The following LAMA1 variants were observed in gnomAD, a reference collection of about 807,000 sequenced individuals.
The protein encoded by LAMA1 is laminin subunit alpha 1, also known as laminin subunit alpha-1.
A neutral mutation model predicts 348.7 loss-of-function variants in LAMA1; 219 were observed. That is an observed-to-expected ratio of 0.63 (90% CI 0.56 to 0.70). LAMA1 has a LOEUF of 0.70. Ranked by LOEUF, LAMA1 falls within the 30% of genes least tolerant of loss-of-function variation. The pLI, the probability that LAMA1 is intolerant of heterozygous loss-of-function variation, is 0.00. For synonymous variants in LAMA1, 1,487 were observed against 1,491.0 expected (o/e 1.00, Z 0.06); for missense variants, 3,744 against 3,888.0 (o/e 0.96, Z 0.99).
At chr18:6,958,197 A>C (rs2057589334) in intron 55 of LAMA1, among the ~76,000 whole-genome samples, 1 of 152,180 alleles carries the variant, frequency 6.6e-6, no homozygotes, top group Non-Finnish European at 1.5e-5. Context: ...CTTCAAATGC[A>C]TGTCAAAAAT....
At chr18:6,996,963 G>A (rs1600381161) in intron 33 of LAMA1, among the ~76,000 whole-genome samples, 2 of 152,096 alleles carry the variant, frequency 1.3e-5, no homozygotes, top group Non-Finnish European at 2.9e-5. Flanking sequence ...GAGATTTTGT[G>A]CCCTGCAACT....
chr18:6,994,228 T>A (rs1277566309), intron 34 of LAMA1, among the ~76,000 whole-genome samples: 1 of 152,110 alleles, frequency 6.6e-6, no homozygotes, highest in African/African-American at 2.4e-5. Flanking sequence ...GCATTGTCTG[T>A]AACACTTGGG....
chr18:7,042,420 A>C (rs2058024548), intron 8 of LAMA1, 170 bp from the exon 9 acceptor site: 2 of 602,090 alleles, frequency 3.3e-6, no homozygotes, highest in Non-Finnish European at 6.1e-6. Context: ...CAAGCCAGGA[A>C]GCCCAAACAT....
intron 1 of LAMA1, among the ~76,000 whole-genome samples, chr18:7,111,371 G>A (rs1191289380): frequency 2.6e-5 from 4 of 152,182 alleles, no homozygotes; most frequent in Non-Finnish European, 5.9e-5. Flanking sequence ...TGCCTCCATT[G>A]TCTGCCTCCT....
intron 32 of LAMA1, 75 bp downstream of exon 32, chr18:6,999,370 G>A (rs572926340): frequency 4.6e-5 from 66 of 1,431,004 alleles, no homozygotes; most frequent in Admixed American, 1.0e-4. Flanking sequence ...ACACTTTAGC[G>A]TGCCGTCACC....
At chr18:7,102,444 A>T (rs1484556117) in intron 1 of LAMA1, among the ~76,000 whole-genome samples, 1 of 152,130 alleles carries the variant, frequency 6.6e-6, no homozygotes, top group East Asian at 1.9e-4. Flanking sequence ...CCTCTACTAT[A>T]CGTAAAAATA....
In LAMA1 at chr18:7,010,314, A is replaced by C; in HGVS notation, c.3759T>G (p.Asn1253Lys). The change falls in exon 26 of 63, where the codon AAT becomes AAG. Residue 1253 changes from asparagine to lysine, a missense_variant. By Grantham distance (94) the Asn-to-Lys change is moderately conservative. Coordinates refer to ENST00000389658, the MANE Select transcript of LAMA1 (RefSeq NM_005559.4). Reference sequence around the variant, plus strand: ...CTTTGATGAGAACTTGAGGCTCAAAATTGGAGGTGCCGACGCCATCCAAAG... The same window carrying C: ...CTTTGATGAGAACTTGAGGCTCAAACTTGGAGGTGCCGACGCCATCCAAAG... ...FYSLDGVGTS[N>K]FEPQVLIKGG... The C allele has an allele frequency of 6.2e-7, 1 of 1,614,170 alleles. No individual in the cohort carries two copies. The highest frequency in any genetic ancestry group is 8.5e-7 in the Non-Finnish European group (1 of 1,180,028).
At position 6,974,958 on chromosome 18, in the gene LAMA1, C is replaced by T; in HGVS notation, c.6568G>A (p.Glu2190Lys). ...TCATCAATGGGAAAGTCTGGAAACTCCAAGCGTGTGGACCCGGAGCCCAGG... is the reference window on the plus strand; with the variant it reads ...TCATCAATGGGAAAGTCTGGAAACTTCAAGCGTGTGGACCCGGAGCCCAGG... ...WDLGSGSTRL[E>K]FPDFPIDDNR... The change falls in exon 46 of 63, where the codon GAG (glutamate) becomes AAG (lysine). Residue 2190 changes from glutamate (E) to lysine (K), a missense_variant. Physicochemically the swap from Glu to Lys is moderately conservative, Grantham distance 56. Around this residue, in one of 3 missense-constraint regions of LAMA1, gnomAD observed 1,983 missense variants for 1,934.3 expected, o/e 1.03. Transcript: ENST00000389658. The T allele has an allele frequency of 1.2e-6, 2 of 1,614,030 alleles. No individual in the cohort carries two copies. The highest frequency in any genetic ancestry group is 1.7e-6 in the Non-Finnish European group (2 of 1,180,014).
rs76287791 is a variant in LAMA1, at chr18:7,097,577, C to T, written c.62-17120G>A. The stretch of plus-strand genomic sequence containing the variant: ...CAAATGACCTAGAACAGTTAAAGCA[C>T]TTTAGAAAAAGTTAACAAAGTTGAA... On this transcript the variant is annotated intron_variant, in intron 1 of 62. Coordinates refer to ENST00000389658, the MANE Select transcript of LAMA1 (RefSeq NM_005559.4). 4.1e-3 allele frequency among the ~76,000 whole-genome samples: 603 copies of T among 146,556 alleles called. 2 individuals are homozygous for T. The highest frequency in any genetic ancestry group is 0.014 in the African/African-American group (574 of 39,694).
intron 3 of LAMA1, chr18:7,079,421 CCT>C (rs1203821962): frequency 6.0e-6 from 1 of 166,166 alleles, no homozygotes; most frequent in East Asian, 1.7e-4. Flanking sequence ...GCCAGTCATA[CCT>C]TCCCTCTCCC....
chr18:7,022,537 T>G (rs2057922602), intron 19 of LAMA1, among the ~76,000 whole-genome samples: 1 of 152,208 alleles, frequency 6.6e-6, no homozygotes, highest in Non-Finnish European at 1.5e-5. Context: ...TATGAAATAC[T>G]CAAAATAATT....
intron 1 of LAMA1, among the ~76,000 whole-genome samples, chr18:7,105,249 T>A (rs2058307177): frequency 6.6e-6 from 1 of 152,054 alleles, no homozygotes; most frequent in Non-Finnish European, 1.5e-5. Context: ...AAGACCAGCC[T>A]GGCCAACATG....
rs572752363 is a variant in LAMA1, at chr18:7,062,761, G to A, written c.346-11825C>T. On this transcript the variant is annotated intron_variant, in intron 3 of 62. Transcript: ENST00000389658. ...AGAGTGCAGAGTTCTCTCCTACATGGCCCCAAAGCCCACACTTCCCCGCTC... is the reference window on the plus strand; with the variant it reads ...AGAGTGCAGAGTTCTCTCCTACATGACCCCAAAGCCCACACTTCCCCGCTC... 3.3e-4 allele frequency among the ~76,000 whole-genome samples: 50 copies of A among 152,200 alleles called. No individual in the cohort carries two copies. The South Asian group carries it at 1.0e-2, about 30-fold the overall frequency.
At chr18:7,042,582 A>T in intron 8 of LAMA1, 1 of 310,978 alleles carries the variant, frequency 3.2e-6, no homozygotes, top group Non-Finnish European at 6.2e-6. Flanking sequence ...ATATCAAGTC[A>T]ATTAAAGATT....
chr18:7,042,500 G>C, intron 8 of LAMA1: 1 of 424,162 alleles, frequency 2.4e-6, no homozygotes, highest in Non-Finnish European at 4.4e-6. Context: ...CTGCTCTCCA[G>C]CCCCCCTCGC....
chr18:7,015,992 A>C, intron 21 of LAMA1, 134 bp from the exon 22 acceptor site: 1 of 1,041,112 alleles, frequency 9.6e-7, no homozygotes, highest in Non-Finnish European at 1.4e-6. Flanking sequence ...CACAATTCCC[A>C]AGACCCCTCC....
At chr18:7,100,133 A>G (rs1036909552) in intron 1 of LAMA1, among the ~76,000 whole-genome samples, 6 of 151,858 alleles carry the variant, frequency 4.0e-5, no homozygotes, top group Non-Finnish European at 8.8e-5. Context: ...TCTGATAAAG[A>G]CTTTGTATCC....
At chr18:7,057,511 A>G (rs1372288285) in intron 3 of LAMA1, among the ~76,000 whole-genome samples, 3 of 114,084 alleles carry the variant, frequency 2.6e-5, no homozygotes, top group East Asian at 2.5e-4. Flanking sequence ...ATCTCACTCT[A>G]TCACCCAGGC....
intron 5 of LAMA1, among the ~76,000 whole-genome samples, chr18:7,047,197 A>T (rs981476604): frequency 2.0e-5 from 3 of 152,080 alleles, no homozygotes; most frequent in Non-Finnish European, 4.4e-5. Context: ...GGCATGCGCC[A>T]CCACGCCCAG....
Sources: allele counts gnomAD v4.1 joint callset (sites outside exome capture counted in the v4.1 genomes callset), GRCh38; gene constraint gnomAD v4.1.1; regional missense constraint gnomAD v4.1.1; transcripts MANE v1.5; gene names NCBI Gene and HGNC (gene_info 2026-07-23, HGNC 2026-07-21).